Variants in MBOAT2 observed in about 807,000 individuals in gnomAD.
MBOAT2 encodes membrane-bound glycerophospholipid O-acyltransferase 2.
A neutral mutation model predicts 63.4 loss-of-function variants in MBOAT2; 28 were observed. That is an observed-to-expected ratio of 0.44 (90% CI 0.33 to 0.61). MBOAT2 has a LOEUF of 0.61. MBOAT2 is among the 20% of genes least tolerant of loss of function. MBOAT2 has a pLI of 0.03. For synonymous variants in MBOAT2, 211 were observed against 215.6 expected (o/e 0.98, Z 0.19); for missense variants, 470 against 605.8 (o/e 0.78, Z 2.35).
intron 2 of MBOAT2, 30 bp from the exon 3 acceptor site, chr2:8,943,294 G>T: frequency 7.4e-7 from 1 of 1,351,644 alleles, no homozygotes; most frequent in Non-Finnish European, 1.0e-6. Context: ...TATTAGAAGA[G>T]GGATGCCAAG....
Position 8,961,781 on chromosome 2 carries a change from G to A in MBOAT2, c.76-3139C>T, listed in dbSNP as rs567430998. Among the ~76,000 whole-genome samples, 8 of 152,136 alleles carry A rather than the reference G, an allele frequency of 5.3e-5. No homozygotes were observed. The South Asian group carries it at 6.2e-4, about 12-fold the overall frequency. ...GTACACACCCCTCAAATCTCCACCCGCAGGGGGCATAATTGACCAAGAGCA... is the reference window on the plus strand; with the variant it reads ...GTACACACCCCTCAAATCTCCACCCACAGGGGGCATAATTGACCAAGAGCA... On this transcript the variant is annotated intron_variant, in intron 1 of 12. Transcript: ENST00000305997.
chr2:8,930,420 T>C (rs1212789130), intron 3 of MBOAT2, among the ~76,000 whole-genome samples: 1 of 152,036 alleles, frequency 6.6e-6, no homozygotes, highest in Non-Finnish European at 1.5e-5. Context: ...TCATCTTTTT[T>C]ATGGCTGCAT....
intron 6 of MBOAT2, among the ~76,000 whole-genome samples, chr2:8,878,764 T>C (rs1662885752): frequency 6.6e-6 from 1 of 152,250 alleles, no homozygotes; most frequent in East Asian, 1.9e-4. Context: ...TCCAGAATTA[T>C]TTTTCCACTT....
intron 2 of MBOAT2, among the ~76,000 whole-genome samples, chr2:8,948,008 T>C (rs1395839668): frequency 2.0e-5 from 3 of 152,226 alleles, no homozygotes; most frequent in Non-Finnish European, 4.4e-5. Context: ...GATTCACCAT[T>C]CTAGATGCCA....
chr2:8,996,329 C>CA (rs1196090307), intron 1 of MBOAT2, among the ~76,000 whole-genome samples: 7 of 151,858 alleles, frequency 4.6e-5, no homozygotes, highest in Non-Finnish European at 1.0e-4. Context: ...GACAAAATAA[C>CA]AATGTGCATA....
intron 2 of MBOAT2, among the ~76,000 whole-genome samples, 199 bp from the exon 3 acceptor site, chr2:8,943,463 G>T (rs1486350520): frequency 6.6e-6 from 1 of 152,176 alleles, no homozygotes; most frequent in East Asian, 1.9e-4. Context: ...GAGCTGGGGG[G>T]AAAAAACAAG....
At chr2:8,928,096 C>T (rs1019442973) in intron 3 of MBOAT2, among the ~76,000 whole-genome samples, 3 of 152,112 alleles carry the variant, frequency 2.0e-5, no homozygotes, top group Admixed American at 6.5e-5. Context: ...AATTCACTCA[C>T]GACTGTGAGA....
intron 1 of MBOAT2, among the ~76,000 whole-genome samples, chr2:9,001,326 T>C (rs1672674722): frequency 6.6e-6 from 1 of 152,208 alleles, no homozygotes; most frequent in African/African-American, 2.4e-5. Flanking sequence ...CACAATGTGC[T>C]AGACTTTTAT....
intron 12 of MBOAT2, 103 bp from the exon 13 acceptor site, chr2:8,859,007 G>A: frequency 1.2e-6 from 1 of 801,770 alleles, no homozygotes. Context: ...GGATGTATTT[G>A]TTTACTACAT....
In MBOAT2 at chr2:8,862,448, A is replaced by G; in HGVS notation, c.1185+142T>C. ...GTGAGCGCTCAGCAAACATGCACGC[A>G]GTACACACCTCGCTTCTAGTGGAAA... On this transcript the variant is annotated intron_variant, in intron 11 of 12. Coordinates refer to ENST00000305997, the MANE Select transcript of MBOAT2 (RefSeq NM_138799.4). The surrounding 1 kb of genome is among the most constrained non-coding windows in gnomAD (Gnocchi z 4.3). 2 of 1,301,216 alleles carry G rather than the reference A, an allele frequency of 1.5e-6. No homozygotes were observed. The highest frequency in any genetic ancestry group is 1.1e-6 in the Non-Finnish European group (1 of 947,196). 80.6% of individuals were successfully genotyped at this position (1,301,216 alleles called of 1,614,324 possible).
At chr2:8,897,621 T>G (rs1397918932) in intron 4 of MBOAT2, among the ~76,000 whole-genome samples, 1 of 152,328 alleles carries the variant, frequency 6.6e-6, no homozygotes, top group East Asian at 1.9e-4. Context: ...AGGCTTACTT[T>G]CAAGTATGGT....
At chr2:8,892,992 T>C (rs1453145765) in intron 4 of MBOAT2, among the ~76,000 whole-genome samples, 1 of 147,496 alleles carries the variant, frequency 6.8e-6, no homozygotes, top group East Asian at 2.0e-4. Flanking sequence ...GGCAAAAGAG[T>C]GACTTGGTTT....
chr2:8,940,867 A>G (rs1318104628), intron 3 of MBOAT2, among the ~76,000 whole-genome samples: 4 of 152,218 alleles, frequency 2.6e-5, no homozygotes, highest in African/African-American at 9.6e-5. Flanking sequence ...TAAAGACTTA[A>G]ACTCTGGCTA....
chr2:8,853,962 C>A lies in MBOAT2; in HGVS notation c.*4717G>T, dbSNP rs1392389396. On this transcript the variant is annotated 3_prime_UTR_variant, in exon 13 of 13. Coordinates refer to ENST00000305997, the MANE Select transcript of MBOAT2 (RefSeq NM_138799.4). ...AAAATAAATATTATTTTAAAACATA[C>A]AAAAACATTATTCAGCAGCCTACCA... 1 of 152,040 alleles carries A rather than the reference C, an allele frequency of 6.6e-6. No homozygotes were observed. Among genetic ancestry groups the A allele is most frequent in the African/African-American group, 2.4e-5 (1 of 41,390 alleles). 9.4% of individuals were successfully genotyped at this position (152,040 alleles called of 1,614,324 possible).
rs1013865435 is a variant in MBOAT2 at position 9,003,177 on chromosome 2, C to A, written c.75+363G>T. On this transcript the variant is annotated intron_variant, in intron 1 of 12. Transcript: ENST00000305997. The surrounding 1 kb of genome is among the most constrained non-coding windows in gnomAD (Gnocchi z 5.4). ...CACCCTTTCCACAACCCGGTCCATG[C>A]GCACCGGGGGCTGCTCCGGGACCCG... 6.6e-6 allele frequency among the ~76,000 whole-genome samples: 1 copy of A among 152,160 alleles called. No homozygotes were observed. Among genetic ancestry groups the A allele is most frequent in the African/African-American group, 2.4e-5 (1 of 41,444 alleles).
At chr2:8,917,237 C>G (rs767633947) in intron 3 of MBOAT2, among the ~76,000 whole-genome samples, 1 of 151,926 alleles carries the variant, frequency 6.6e-6, no homozygotes, top group Non-Finnish European at 1.5e-5. Flanking sequence ...ATAAAAAGCT[C>G]CAAACTAAAA....
chr2:8,984,110 T>A (rs1369518675), intron 1 of MBOAT2, among the ~76,000 whole-genome samples: 1 of 152,092 alleles, frequency 6.6e-6, no homozygotes, highest in Admixed American at 6.6e-5. Flanking sequence ...TGTGAAAACA[T>A]AAATGAACCT....
chr2:8,943,245 C>G lies in MBOAT2; in HGVS notation c.241G>C (p.Val81Leu), dbSNP rs750132753. The G allele has an allele frequency of 1.9e-6, 3 of 1,581,738 alleles. No individual in the cohort carries two copies. Among genetic ancestry groups the G allele is most frequent in the African/African-American group, 1.3e-5 (1 of 74,358 alleles). The change falls in exon 3 of 13, where the codon GTA becomes CTA. Residue 81 changes from valine to leucine, a missense_variant. Coordinates refer to ENST00000305997, the MANE Select transcript of MBOAT2 (RefSeq NM_138799.4). ...ATACAGTAGGAAATTCCACTTTGTA[C>G]AAGAAAGTGTAAGGCATACCTATAA... ...CFGWYALHFL[V>L]QSGISYCIMI...
rs377689952 is a variant in MBOAT2, at chr2:8,855,931, C to T, written c.*2748G>A. ...TCTATTGATTAAAAAAAAGCAAGCA[C>T]ATAATACAACGAATCCCCTTTCTAT... On this transcript the variant is annotated 3_prime_UTR_variant, in exon 13 of 13. Coordinates refer to ENST00000305997, the MANE Select transcript of MBOAT2 (RefSeq NM_138799.4). The T allele has an allele frequency of 3.3e-5, 5 of 152,016 alleles. No homozygotes were observed. The highest frequency in any genetic ancestry group is 7.4e-5 in the Non-Finnish European group (5 of 68,004). The allele number at this position is 152,016 out of a possible 1,614,324, so 9.4% of individuals were successfully genotyped here.
Sources: allele counts gnomAD v4.1 joint callset (sites outside exome capture counted in the v4.1 genomes callset), GRCh38; gene constraint gnomAD v4.1.1; non-coding constraint Gnocchi (gnomAD v3.1); transcripts MANE v1.5; gene names NCBI Gene and HGNC (gene_info 2026-07-23, HGNC 2026-07-21).